The following MTCL2 variants were observed in gnomAD, a reference collection of about 807,000 sequenced individuals.
The protein encoded by MTCL2 is microtubule cross-linking factor 2.
At chr20:36,794,227 G>C in the MTCL2 span, 1 of 1,549,126 alleles carries the variant, frequency 6.5e-7, no homozygotes, top group Non-Finnish European at 8.7e-7. This position sits in a 1 kb window ranked among gnomAD's most constrained non-coding sequence, Gnocchi z 5.4. Flanking sequence ...CTTTGGGCTT[G>C]GCTGTGGTGA....
At chr20:36,781,035 G>A in the MTCL2 span, 1 of 152,138 alleles carries the variant, frequency 6.6e-6, no homozygotes, top group South Asian at 2.1e-4. Flanking sequence ...ATGATTATGG[G>A]AATTACACCA....
the MTCL2 span, chr20:36,786,054 C>A: frequency 1.0e-6 from 1 of 986,628 alleles, no homozygotes; most frequent in Non-Finnish European, 1.2e-6. Flanking sequence ...TGTCTCCTCC[C>A]AAATGAAGGG....
At chr20:36,808,567 G>A in the MTCL2 span, 167 of 1,610,838 alleles carry the variant, frequency 1.0e-4, no homozygotes, top group Middle Eastern at 3.0e-3. Flanking sequence ...GCCAGCGCTT[G>A]AGGAACCACC....
the MTCL2 span, among the ~76,000 whole-genome samples, chr20:36,795,231 GC>G: frequency 6.6e-6 from 1 of 152,024 alleles, no homozygotes; most frequent in Non-Finnish European, 1.5e-5. Flanking sequence ...GAGCCACTGT[GC>G]CCAGCCTAAC....
chr20:36,804,615 G>A, the MTCL2 span: 1 of 1,354,964 alleles, frequency 7.4e-7, no homozygotes, highest in Non-Finnish European at 1.0e-6. Context: ...TGGGCCACAG[G>A]TGAAGCAACG....
At chr20:36,848,451 A>G in the MTCL2 span, among the ~76,000 whole-genome samples, 1 of 152,220 alleles carries the variant, frequency 6.6e-6, no homozygotes, top group Non-Finnish European at 1.5e-5. Flanking sequence ...ATGAGCTCAC[A>G]CTACTGCTAA....
the MTCL2 span, chr20:36,815,102 G>C: frequency 1.3e-6 from 2 of 1,529,968 alleles, no homozygotes; most frequent in East Asian, 2.3e-5. This position sits in a 1 kb window ranked among gnomAD's most constrained non-coding sequence, Gnocchi z 5.3. Context: ...ATAAATAATA[G>C]GATCTGTGCA....
the MTCL2 span, among the ~76,000 whole-genome samples, chr20:36,856,824 G>C: frequency 6.6e-6 from 1 of 152,244 alleles, no homozygotes; most frequent in Non-Finnish European, 1.5e-5. Context: ...TCTGTGTGTG[G>C]ATGAAATGTC....
the MTCL2 span, among the ~76,000 whole-genome samples, chr20:36,835,102 C>G: frequency 2.0e-5 from 3 of 152,188 alleles, no homozygotes; most frequent in Non-Finnish European, 2.9e-5. Flanking sequence ...ACAAAAACCT[C>G]TAGAGGGAGG....
At chr20:36,838,572 C>A in the MTCL2 span, among the ~76,000 whole-genome samples, 1 of 152,082 alleles carries the variant, frequency 6.6e-6, no homozygotes, top group Non-Finnish European at 1.5e-5. Context: ...GGCAACAGAG[C>A]AAGACCTTGT....
the MTCL2 span, chr20:36,785,057 G>A: frequency 2.0e-6 from 2 of 985,328 alleles, no homozygotes; most frequent in African/African-American, 1.7e-5. Flanking sequence ...GGTGATGGCC[G>A]TCCAGCCCTC....
the MTCL2 span, among the ~76,000 whole-genome samples, chr20:36,825,936 C>T: frequency 5.3e-5 from 8 of 152,208 alleles, no homozygotes; most frequent in Admixed American, 2.0e-4. Flanking sequence ...CTGTACCAGG[C>T]ACCACAAAGG....
the MTCL2 span, among the ~76,000 whole-genome samples, chr20:36,797,847 A>G: frequency 6.6e-6 from 1 of 152,246 alleles, no homozygotes; most frequent in Admixed American, 6.5e-5. Flanking sequence ...TCATGTTACA[A>G]TTCACAGAAC....
the MTCL2 span, among the ~76,000 whole-genome samples, chr20:36,849,557 C>A: frequency 3.3e-5 from 5 of 152,148 alleles, no homozygotes; most frequent in Non-Finnish European, 7.3e-5. Flanking sequence ...ACTTCAGCCT[C>A]CTGAGTAGCT....
the MTCL2 span, among the ~76,000 whole-genome samples, chr20:36,790,892 T>G: frequency 6.6e-6 from 1 of 151,998 alleles, no homozygotes; most frequent in Non-Finnish European, 1.5e-5. Context: ...GAATAAATAT[T>G]TAAAAGATGT....
the MTCL2 span, chr20:36,786,567 C>G: frequency 2.3e-5 from 35 of 1,550,916 alleles, no homozygotes; most frequent in South Asian, 4.0e-4. Context: ...AGGAGAGTGG[C>G]GGATGGCAGA....
At chr20:36,816,458 G>A in the MTCL2 span, among the ~76,000 whole-genome samples, 4 of 151,992 alleles carry the variant, frequency 2.6e-5, no homozygotes, top group Admixed American at 6.5e-5. Flanking sequence ...CGGGGGAGAC[G>A]CAGAGGGGTA....
chr20:36,862,116 A>C, the MTCL2 span, among the ~76,000 whole-genome samples: 1 of 152,232 alleles, frequency 6.6e-6, no homozygotes, highest in Non-Finnish European at 1.5e-5. Flanking sequence ...GACTCCAGCC[A>C]AGGGGATGTT....
chr20:36,863,497 C>T, the MTCL2 span: 1 of 455,344 alleles, frequency 2.2e-6, no homozygotes, highest in Non-Finnish European at 3.1e-6. The surrounding 1 kb of genome is among the most constrained non-coding windows in gnomAD (Gnocchi z 6.2). Flanking sequence ...CGTCCCAAGC[C>T]CCGCCGCGCG....
Sources: gnomAD v4.1 joint callset for allele counts (sites outside exome capture counted in the v4.1 genomes callset) on GRCh38, gnomAD v4.1.1 for gene constraint, Gnocchi (gnomAD v3.1) non-coding constraint, MANE v1.5 for transcripts, NCBI Gene and HGNC (gene_info 2026-07-23, HGNC 2026-07-21) for gene names.